The following FNDC3A variants were observed in gnomAD, a reference collection of about 807,000 sequenced individuals.
FNDC3A encodes fibronectin type-III domain-containing protein 3A.
FNDC3A carries 32 observed loss-of-function variants against 148.9 expected under a neutral mutation model. That is an observed-to-expected ratio of 0.21 (90% CI 0.16 to 0.29). FNDC3A has a LOEUF of 0.29. Ranked by LOEUF, FNDC3A falls within the 10% of genes least tolerant of loss-of-function variation. The pLI is 1.00. For missense variants in FNDC3A, 1,191 were observed against 1,452.8 expected, an observed-to-expected ratio of 0.82 and a Z score of 2.93; for synonymous variants, 472 against 473.6, an observed-to-expected ratio of 1.00 and a Z score of 0.04.
chr13:49,042,241 T>A, intron 2 of FNDC3A, among the ~76,000 whole-genome samples: 1 of 152,174 alleles, frequency 6.6e-6, no homozygotes, highest in Non-Finnish European at 1.5e-5. Flanking sequence ...TTTGAGTATG[T>A]CCTTGGGACG....
At chr13:49,190,945 C>T (rs1885851936) in intron 17 of FNDC3A, 70 bp from the exon 18 acceptor site, 5 of 977,146 alleles carry the variant, frequency 5.1e-6, no homozygotes, top group East Asian at 2.5e-5. Flanking sequence ...TATTATTTTT[C>T]CTTACCAAAA....
chr13:49,070,453 A>C (rs1460100194), intron 2 of FNDC3A, among the ~76,000 whole-genome samples: 4 of 152,196 alleles, frequency 2.6e-5, no homozygotes. Context: ...CTAAGCCTTA[A>C]GGTTTTTAAT....
At chr13:49,106,362 G>C (rs1477495242) in intron 3 of FNDC3A, among the ~76,000 whole-genome samples, 1 of 152,076 alleles carries the variant, frequency 6.6e-6, no homozygotes, top group African/African-American at 2.4e-5. Context: ...GTCCAGGCTG[G>C]AGTGCAGTGG....
At chr13:49,011,057 C>T (rs1952332450) in intron 2 of FNDC3A, among the ~76,000 whole-genome samples, 1 of 151,982 alleles carries the variant, frequency 6.6e-6, no homozygotes, top group Non-Finnish European at 1.5e-5. Context: ...TTCTTGATGA[C>T]CATCTTGGGG....
At chr13:49,165,357 G>A (rs1036478545) in intron 8 of FNDC3A, among the ~76,000 whole-genome samples, 2 of 152,182 alleles carry the variant, frequency 1.3e-5, no homozygotes, top group Non-Finnish European at 2.9e-5. Context: ...TGCATCTATT[G>A]TGTTGGTTGG....
At chr13:49,052,058 T>C (rs750137289) in intron 2 of FNDC3A, among the ~76,000 whole-genome samples, 34 of 152,128 alleles carry the variant, frequency 2.2e-4, no homozygotes, top group Non-Finnish European at 3.8e-4. Context: ...TGCTATCTAT[T>C]TCACTGAAGA....
At chr13:49,027,824 C>T (rs972226638) in intron 2 of FNDC3A, among the ~76,000 whole-genome samples, 1 of 151,930 alleles carries the variant, frequency 6.6e-6, no homozygotes, top group African/African-American at 2.4e-5. Context: ...TAAAACAGAG[C>T]AAAATAGCAA....
At chr13:49,073,215 AAG>A (rs1268865821) in intron 2 of FNDC3A, among the ~76,000 whole-genome samples, 2 of 152,324 alleles carry the variant, frequency 1.3e-5, no homozygotes, top group African/African-American at 2.4e-5. Flanking sequence ...AGAAAACAAA[AAG>A]AAAAATATTT....
chr13:49,187,152 T>A lies in FNDC3A; in HGVS notation c.1787T>A (p.Ile596Asn). 6.2e-7 allele frequency: 1 copy of A among 1,613,136 alleles called. No homozygotes were observed. ...DPPKDNGGAT[I>N]NKYVVEMAEG... Reference sequence around the variant, plus strand: ...CCAAAAGACAATGGCGGAGCAACCATCAATAAATATGTAGTGGAGATGGCA... The same window carrying A: ...CCAAAAGACAATGGCGGAGCAACCAACAATAAATATGTAGTGGAGATGGCA... Residue 596 changes from isoleucine (I) to asparagine (N), a missense_variant, in exon 16 of 26, where the codon ATC (isoleucine) becomes AAC (asparagine). By Grantham distance (149) the Ile-to-Asn change is moderately radical (BLOSUM62 -3). Coordinates refer to ENST00000492622, the MANE Select transcript of FNDC3A (RefSeq NM_001079673.2).
Position 49,173,968 on chromosome 13 carries a change from C to T in FNDC3A, c.1231-467C>T, listed in dbSNP as rs140335555. Reference sequence around the variant, plus strand: ...TCAGTGTTAATCTAAGCAGTAGAAGCGCCAAAAGTTTTATTTTAAAGAAGT... The same window carrying T: ...TCAGTGTTAATCTAAGCAGTAGAAGTGCCAAAAGTTTTATTTTAAAGAAGT... On this transcript the variant is annotated intron_variant, in intron 11 of 25. Transcript: ENST00000492622. 2.0e-3 allele frequency among the ~76,000 whole-genome samples: 306 copies of T among 152,218 alleles called. 1 individual carries two copies. The highest frequency in any genetic ancestry group is 4.8e-3 in the Admixed American group (73 of 15,272).
chr13:49,128,348 G>GA (rs762550511), intron 4 of FNDC3A, among the ~76,000 whole-genome samples: 1 of 152,134 alleles, frequency 6.6e-6, no homozygotes, highest in Non-Finnish European at 1.5e-5. Flanking sequence ...TCAGCAGCCA[G>GA]AATAGTCCTG....
chr13:49,066,472 T>G (rs1039271490), intron 2 of FNDC3A, among the ~76,000 whole-genome samples: 1 of 152,208 alleles, frequency 6.6e-6, no homozygotes, highest in African/African-American at 2.4e-5. Flanking sequence ...TACTGCTGCT[T>G]ACTGTGTATG....
intron 4 of FNDC3A, 53 bp from the exon 5 acceptor site, chr13:49,131,084 A>G: frequency 5.6e-6 from 8 of 1,424,642 alleles, no homozygotes; most frequent in Non-Finnish European, 7.9e-6. Flanking sequence ...ACATTTTTAA[A>G]AGAATTGTTT....
intron 3 of FNDC3A, among the ~76,000 whole-genome samples, chr13:49,092,157 T>C (rs1012600789): frequency 2.6e-5 from 4 of 152,248 alleles, no homozygotes; most frequent in African/African-American, 7.2e-5. Context: ...CTGGGTCATA[T>C]GCCCCAAGTG....
intron 4 of FNDC3A, among the ~76,000 whole-genome samples, chr13:49,118,766 C>T (rs1881134368): frequency 6.6e-6 from 1 of 152,232 alleles, no homozygotes; most frequent in African/African-American, 2.4e-5. Context: ...GAGCCCACCG[C>T]AGCTCATCAA....
At chr13:49,081,102 G>C (rs533811834) in intron 3 of FNDC3A, among the ~76,000 whole-genome samples, 4 of 152,292 alleles carry the variant, frequency 2.6e-5, no homozygotes, top group African/African-American at 9.6e-5. Context: ...ATAGCCAACA[G>C]TTGTAGCTAA....
Position 49,185,874 on chromosome 13 carries a change from GA to G in FNDC3A, c.1618-88del. 1.2e-5 allele frequency: 12 copies of G among 977,474 alleles called. 1 individual carries two copies. In the South Asian group the frequency reaches 1.9e-4, roughly 15 times the overall value. 60.6% of individuals were successfully genotyped at this position (977,474 alleles called of 1,614,324 possible). On this transcript the variant is annotated intron_variant, in intron 14 of 25. Transcript: ENST00000492622. ...AAAAAATGTATTTTATCATTTGGTT[GA>G]AGCTGTTTGTCTCCTATCACTTTGT...
chr13:49,187,306 C>T (rs960749365), intron 16 of FNDC3A, 116 bp downstream of exon 16: 1 of 926,450 alleles, frequency 1.1e-6, no homozygotes, highest in Non-Finnish European at 1.7e-6. Context: ...TAAGGTACAC[C>T]ATAAAAAGAT....
intron 4 of FNDC3A, among the ~76,000 whole-genome samples, chr13:49,130,299 T>C (rs1163208903): frequency 6.6e-6 from 1 of 152,062 alleles, no homozygotes; most frequent in African/African-American, 2.4e-5. Context: ...GGAGTTAATA[T>C]AGTAATATTC....
Sources: gnomAD v4.1 joint callset for allele counts (sites outside exome capture counted in the v4.1 genomes callset) on GRCh38, gnomAD v4.1.1 for gene constraint, MANE v1.5 for transcripts, NCBI Gene and HGNC (gene_info 2026-07-23, HGNC 2026-07-21) for gene names.